CSK: variants seen among roughly 807,000 people sequenced by gnomAD.
The protein encoded by CSK is C-terminal Src kinase, also known as tyrosine-protein kinase CSK.
A neutral mutation model predicts 62.3 loss-of-function variants in CSK; 7 were observed. That is an observed-to-expected ratio of 0.11 (90% CI 0.06 to 0.21). The LOEUF (loss-of-function observed/expected upper bound fraction) is 0.21, where lower values mean the gene tolerates loss of function less well. CSK is among the 10% of genes least tolerant of loss of function. The pLI is 1.00. For synonymous variants in CSK, 237 were observed against 246.0 expected, an observed-to-expected ratio of 0.96 and a Z score of 0.34; for missense variants, 294 against 613.5, an observed-to-expected ratio of 0.48 and a Z score of 5.50.
At chr15:74,796,401 G>A (rs2063705917) in intron 1 of CSK, among the ~76,000 whole-genome samples, 1 of 151,926 alleles carries the variant, frequency 6.6e-6, no homozygotes, top group Non-Finnish European at 1.5e-5. Context: ...TGGAAAGGAA[G>A]GCAGAAAAGG....
rs565397926 is a variant in CSK at position 74,797,283 on chromosome 15, C to T, written c.-65-950C>T. ...GAAATTTATCGGGATTGGCCAGGCA[C>T]GGTGACTGGCACCTGTAATCCCAGC... is the stretch of plus-strand genomic sequence containing the variant. On this transcript the variant is annotated intron_variant, in intron 1 of 12. Transcript: ENST00000220003. 9.8e-5 allele frequency among the ~76,000 whole-genome samples: 15 copies of T among 152,322 alleles called. No individual in the cohort carries two copies. The South Asian group carries it at 1.2e-3, about 13-fold the overall frequency.
intron 1 of CSK, among the ~76,000 whole-genome samples, chr15:74,784,952 G>T (rs35267825): frequency 1.3e-5 from 2 of 152,046 alleles, no homozygotes; most frequent in Admixed American, 6.5e-5. Context: ...GGCAGAAATT[G>T]TCCCAGACAC....
intron 1 of CSK, chr15:74,788,861 A>T (rs1229295848): frequency 6.5e-6 from 1 of 153,474 alleles, no homozygotes; most frequent in Non-Finnish European, 1.5e-5. Flanking sequence ...ATGAAGATGC[A>T]AAGACCACAT....
At chr15:74,785,889 C>A (rs2063507812) in intron 1 of CSK, among the ~76,000 whole-genome samples, 1 of 152,072 alleles carries the variant, frequency 6.6e-6, no homozygotes, top group Non-Finnish European at 1.5e-5. Context: ...ATGGGGCTGG[C>A]CCTGGGAAGA....
chr15:74,788,062 GCCTGGAGGGCCT>G, intron 1 of CSK, among the ~76,000 whole-genome samples: 1 of 152,346 alleles, frequency 6.6e-6, no homozygotes, highest in East Asian at 1.9e-4. Context: ...GGCTGGGGCA[GCCTGGAGGGCCT>G]CCTGGAGGGG....
At chr15:74,795,050 G>A (rs1031509305) in intron 1 of CSK, among the ~76,000 whole-genome samples, 8 of 152,258 alleles carry the variant, frequency 5.3e-5, no homozygotes, top group African/African-American at 9.6e-5. Context: ...CTGCCTTCCC[G>A]CTTCCCTCAC....
rs34616395 is a variant in CSK, at chr15:74,802,353, G to A, written c.1193G>A (p.Arg398Gln). 10 of 1,603,002 alleles carry A rather than the reference G, an allele frequency of 6.2e-6. No homozygotes were observed. The highest frequency in any genetic ancestry group is 2.2e-5 in the East Asian group (1 of 44,720). The stretch of plus-strand genomic sequence containing the variant: ...CAGCCCCTGAAGGACGTCGTCCCTC[G>A]GGTGGAGAAGGGCTACAAGATGGAT... ...PRIPLKDVVPRVEKGYKMDAP... is the reference protein window; with the variant it reads ...PRIPLKDVVPQVEKGYKMDAP... The change falls in exon 13 of 13, where the codon CGG becomes CAG. Residue 398 changes from arginine to glutamine, a missense_variant. Transcript: ENST00000220003.
At chr15:74,788,159 C>G (rs2063553698) in intron 1 of CSK, among the ~76,000 whole-genome samples, 1 of 152,196 alleles carries the variant, frequency 6.6e-6, no homozygotes, top group African/African-American at 2.4e-5. Flanking sequence ...GAAGCTTCTG[C>G]CCTCTCTAGG....
chr15:74,784,319 C>G (rs2063483200), intron 1 of CSK, among the ~76,000 whole-genome samples: 4 of 152,216 alleles, frequency 2.6e-5, no homozygotes, highest in Admixed American at 2.6e-4. Context: ...CCAGCCCTAA[C>G]TTCCTTTCCA....
At chr15:74,790,680 C>T (rs1429426105) in intron 1 of CSK, 1 of 152,250 alleles carries the variant, frequency 6.6e-6, no homozygotes, top group Non-Finnish European at 1.5e-5. Context: ...TATGAGACCT[C>T]GGTGTGGTAC....
In CSK at chr15:74,798,877, C is replaced by T; in HGVS notation, c.181C>T (p.Pro61Ser). 1 of 1,558,536 alleles carries T rather than the reference C, an allele frequency of 6.4e-7. No individual in the cohort carries two copies. Among genetic ancestry groups the T allele is most frequent in the Non-Finnish European group, 8.7e-7 (1 of 1,152,362 alleles). Reference protein sequence around the residue: ...KNKVGREGIIPANYVQKREGV... With the variant: ...KNKVGREGIISANYVQKREGV... ...CAAGGTGGGCCGTGAGGGCATCATC[C>T]CAGCCAACTACGTCCAGAAGCGGGA... is the stretch of plus-strand genomic sequence containing the variant. Residue 61 changes from proline (P) to serine (S), a missense_variant, in exon 4 of 13, where the codon CCA (proline) becomes TCA (serine). Around this residue, in one of 3 missense-constraint regions of CSK, gnomAD observed 202 missense variants for 415.7 expected, o/e 0.49. Transcript: ENST00000220003. This position sits in a 1 kb window ranked among gnomAD's most constrained non-coding sequence, Gnocchi z 6.6.
chr15:74,783,480 A>G (rs1364469245), intron 1 of CSK, among the ~76,000 whole-genome samples: 1 of 152,178 alleles, frequency 6.6e-6, no homozygotes, highest in Non-Finnish European at 1.5e-5. Flanking sequence ...CCGGGAACCG[A>G]GGCTCAAAGG....
chr15:74,801,054 C>A lies in CSK; in HGVS notation c.765C>A (p.Ile255=). The A allele has an allele frequency of 6.2e-7, 1 of 1,613,316 alleles. No homozygotes were observed. The highest frequency in any genetic ancestry group is 1.1e-5 in the South Asian group (1 of 91,046). The change falls in exon 9 of 13, where the codon ATC becomes ATA. Residue 255 remains isoleucine (I), a synonymous_variant. Transcript: ENST00000220003. ...ACCTGGTGCAGCTCCTGGGCGTGATCGTGGAGGAGAAGGGCGGGCTCTACA... is the reference window on the plus strand; with the variant it reads ...ACCTGGTGCAGCTCCTGGGCGTGATAGTGGAGGAGAAGGGCGGGCTCTACA... ...HSNLVQLLGV[I]VEEKGGLYIV...
At chr15:74,791,629 C>T (rs1352655927) in intron 1 of CSK, among the ~76,000 whole-genome samples, 3 of 152,204 alleles carry the variant, frequency 2.0e-5, no homozygotes, top group African/African-American at 7.2e-5. Context: ...AATTCAAGAT[C>T]ATTTATTGAA....
rs200032812 is a variant in CSK, at chr15:74,800,762, C to G, written c.622+16C>G. 1.5e-4 allele frequency: 239 copies of G among 1,581,394 alleles called. No homozygotes were observed. In the East Asian group the frequency reaches 5.1e-3, roughly 34 times the overall value. On this transcript the variant is annotated intron_variant, in intron 7 of 12. Coordinates refer to ENST00000220003, the MANE Select transcript of CSK (RefSeq NM_004383.3). ...GAGTTCGGAGGTGAGCTGGGCCGGG[C>G]CCCCTGGGGGGGTTCTGAGGGACTC... is the stretch of plus-strand genomic sequence containing the variant.
At chr15:74,784,470 A>T (rs2063484830) in intron 1 of CSK, among the ~76,000 whole-genome samples, 1 of 152,054 alleles carries the variant, frequency 6.6e-6, no homozygotes. Context: ...AGGGCCTTTG[A>T]AGAAAGGAGT....
intron 1 of CSK, among the ~76,000 whole-genome samples, chr15:74,797,333 A>C (rs1046730396): frequency 6.6e-6 from 1 of 152,146 alleles, no homozygotes; most frequent in East Asian, 1.9e-4. Flanking sequence ...AGGTGGGTGG[A>C]TCACCTGAGG....
At chr15:74,795,959 T>C (rs553255603) in intron 1 of CSK, among the ~76,000 whole-genome samples, 19 of 152,328 alleles carry the variant, frequency 1.2e-4, no homozygotes, top group Admixed American at 2.6e-4. Context: ...GGCTCACACC[T>C]GTAATCTCAG....
At chr15:74,788,447 T>G (rs2141785494) in intron 1 of CSK, 1 of 152,402 alleles carries the variant, frequency 6.6e-6, no homozygotes, top group African/African-American at 2.4e-5. Context: ...CTGTCAGAGA[T>G]CACCAGTCCT....
Sources: allele counts gnomAD v4.1 joint callset (sites outside exome capture counted in the v4.1 genomes callset), GRCh38; gene constraint gnomAD v4.1.1; regional missense constraint gnomAD v4.1.1; non-coding constraint Gnocchi (gnomAD v3.1); transcripts MANE v1.5; gene names NCBI Gene and HGNC (gene_info 2026-07-23, HGNC 2026-07-21).